SLC22A5: variants seen among roughly 807,000 people sequenced by gnomAD.
SLC22A5 encodes solute carrier family 22 member 5, also known as organic cation/carnitine transporter 2.
SLC22A5 carries 44 observed loss-of-function variants against 56.7 expected under a neutral mutation model. The ratio of observed to expected loss-of-function variants is 0.78; its 90% confidence interval spans 0.61 to 1.00. The LOEUF (loss-of-function observed/expected upper bound fraction) is 1.00. Among genes scored for constraint, SLC22A5 ranks in the 50% least tolerant of loss-of-function variants. SLC22A5 has a pLI of 0.00. For synonymous variants in SLC22A5, 278 were observed against 292.1 expected, an observed-to-expected ratio of 0.95 and a Z score of 0.49; for missense variants, 675 against 723.0, an observed-to-expected ratio of 0.93 and a Z score of 0.76.
intron 1 of SLC22A5, among the ~76,000 whole-genome samples, chr5:132,375,887 T>G (rs1752124942): frequency 6.6e-6 from 1 of 152,222 alleles, no homozygotes; most frequent in Non-Finnish European, 1.5e-5. Flanking sequence ...CATTCCATTT[T>G]AACATTGATA....
chr5:132,388,609 T>C (rs986416130), intron 5 of SLC22A5, among the ~76,000 whole-genome samples: 1 of 152,122 alleles, frequency 6.6e-6, no homozygotes, highest in Non-Finnish European at 1.5e-5. Context: ...CTCCTTGGAA[T>C]GTGGCCACCG....
At chr5:132,376,562 A>G (rs1256968802) in intron 1 of SLC22A5, 2 of 152,216 alleles carry the variant, frequency 1.3e-5, no homozygotes, top group South Asian at 2.1e-4. Context: ...CCTGGGGTCT[A>G]CAACCCCAGA....
chr5:132,371,510 G>A (rs1170595521), intron 1 of SLC22A5, among the ~76,000 whole-genome samples: 1 of 152,146 alleles, frequency 6.6e-6, no homozygotes, highest in South Asian at 2.1e-4. Context: ...GTAGGAACAT[G>A]ATGTTAATGA....
intron 8 of SLC22A5, 62 bp downstream of exon 8, chr5:132,392,677 T>TTC: frequency 6.9e-7 from 1 of 1,442,290 alleles, no homozygotes; most frequent in Non-Finnish European, 9.8e-7. Context: ...CTGGCTTGAA[T>TTC]GTGAGCTGGA....
chr5:132,394,147 A>C lies in SLC22A5; in HGVS notation c.1587-38A>C, dbSNP rs11568523. On this transcript the variant is annotated intron_variant, in intron 9 of 9. Coordinates refer to ENST00000245407, the MANE Select transcript of SLC22A5 (RefSeq NM_003060.4). ...TTTGGAGACTGGGAGGCATCTTTTT[A>C]AAATGTGTTACTGACATATTTTTGC... 0.011 allele frequency: 14,731 copies of C among 1,359,180 alleles called. 290 individuals carry two copies. Among genetic ancestry groups the C allele is most frequent in the African/African-American group, 0.083 (5,817 of 69,880 alleles). The allele number at this position is 1,359,180 out of a possible 1,614,324, so 84.2% of individuals were successfully genotyped here.
Position 132,394,290 on chromosome 5 carries a change from G to T in SLC22A5, c.*18G>T. On this transcript the variant is annotated 3_prime_UTR_variant, in exon 10 of 10. Transcript: ENST00000245407. ...CCTTCTAACATCGCTTCCAGTAAGG[G>T]AGAAACTGAAGAGGAAAGACTGTCT... 1 of 1,557,072 alleles carries T rather than the reference G, an allele frequency of 6.4e-7. No homozygotes were observed.
Position 132,385,402 on chromosome 5 carries a change from T to C in SLC22A5, c.727T>C (p.Tyr243His), listed in dbSNP as rs1314095715. 6.2e-7 allele frequency: 1 copy of C among 1,614,052 alleles called. No homozygotes were observed. Among genetic ancestry groups the C allele is most frequent in the South Asian group, 1.1e-5 (1 of 91,086 alleles). ...LGVCIFYAFG[Y>H]MVLPLFAYFI... ...AGTGTGCATATTTTATGCATTTGGC[T>C]ACATGGTGCTGCCACTGTTTGCTTA... The change falls in exon 4 of 10, where the codon TAC becomes CAC. Residue 243 changes from tyrosine to histidine, a missense_variant. Tyr to His is a moderately conservative substitution (Grantham distance 83). Transcript: ENST00000245407.
chr5:132,371,928 T>G (rs1490565176), intron 1 of SLC22A5, among the ~76,000 whole-genome samples: 1 of 152,122 alleles, frequency 6.6e-6, no homozygotes, highest in East Asian at 1.9e-4. Context: ...CTTCTTGGCG[T>G]CATCACCCTT....
chr5:132,371,307 G>A (rs1751919588), intron 1 of SLC22A5, among the ~76,000 whole-genome samples: 1 of 152,174 alleles, frequency 6.6e-6, no homozygotes, highest in African/African-American at 2.4e-5. Flanking sequence ...GATGGGTTCA[G>A]GGTGACTTGT....
chr5:132,384,477 A>C (rs938538822), intron 3 of SLC22A5, among the ~76,000 whole-genome samples, 176 bp downstream of exon 3: 3 of 152,156 alleles, frequency 2.0e-5, no homozygotes, highest in African/African-American at 7.2e-5. Context: ...CAGACATGAG[A>C]CCAGCCTGGG....
chr5:132,386,508 G>A (rs1372971201), intron 4 of SLC22A5, among the ~76,000 whole-genome samples: 2 of 152,196 alleles, frequency 1.3e-5, no homozygotes, highest in Non-Finnish European at 2.9e-5. Flanking sequence ...TGGGATTATA[G>A]GAGTGAACCA....
At chr5:132,380,625 G>A (rs768882252) in intron 2 of SLC22A5, 1 of 152,164 alleles carries the variant, frequency 6.6e-6, no homozygotes, top group Non-Finnish European at 1.5e-5. Context: ...AAGACTTGCC[G>A]ATGGGCTGGA....
At chr5:132,376,804 GTCA>G (rs1312572159) in intron 1 of SLC22A5, 1 of 152,356 alleles carries the variant, frequency 6.6e-6, no homozygotes, top group Non-Finnish European at 1.5e-5. Flanking sequence ...CCGGCACCCT[GTCA>G]TCAATTCCCT....
intron 8 of SLC22A5, among the ~76,000 whole-genome samples, chr5:132,393,446 C>T (rs1752775079): frequency 6.6e-6 from 1 of 152,208 alleles, no homozygotes; most frequent in South Asian, 2.1e-4. Context: ...CCCCTTTGTA[C>T]TCCTCCCCTG....
intron 3 of SLC22A5, among the ~76,000 whole-genome samples, 162 bp from the exon 4 acceptor site, chr5:132,385,162 ACAGT>A (rs774885277): frequency 1.3e-5 from 2 of 152,122 alleles, no homozygotes; most frequent in African/African-American, 4.8e-5. Context: ...CCCCCAGGAG[ACAGT>A]CAGACAGGAG....
At chr5:132,390,417 C>A in intron 6 of SLC22A5, 1 of 499,456 alleles carries the variant, frequency 2.0e-6, no homozygotes, top group Non-Finnish European at 3.6e-6. Flanking sequence ...TGAAGTAAAT[C>A]TATCTGAATT....
At chr5:132,379,070 G>C (rs1005298871) in intron 2 of SLC22A5, 1 of 161,286 alleles carries the variant, frequency 6.2e-6, no homozygotes, top group Non-Finnish European at 1.4e-5. Context: ...CTTATAAGCA[G>C]GTTATTTGTA....
rs374236073 is a variant in SLC22A5 at position 132,382,369 on chromosome 5, C to T, written c.498-1778C>T. ...GGTCTTCTCAGAGTCTGAAGCATTCCCCACCCACCCCAACCCACCCCCTGT... is the reference window on the plus strand; with the variant it reads ...GGTCTTCTCAGAGTCTGAAGCATTCTCCACCCACCCCAACCCACCCCCTGT... On this transcript the variant is annotated intron_variant, in intron 2 of 9. Transcript: ENST00000245407. 1.8e-4 allele frequency: 27 copies of T among 151,598 alleles called. No homozygotes were observed. In the East Asian group the frequency reaches 3.7e-3, roughly 21 times the overall value. 9.4% of individuals were successfully genotyped at this position (151,598 alleles called of 1,614,324 possible). A position where few individuals can be genotyped will look rare whatever the true frequency, so the allele number is the denominator to read the frequency against.
intron 1 of SLC22A5, 158 bp from the exon 2 acceptor site, chr5:132,378,220 C>T: frequency 6.2e-7 from 1 of 1,613,744 alleles, no homozygotes; most frequent in Non-Finnish European, 8.5e-7. Context: ...AGCCTGCTCT[C>T]TGCCTTCCTG....
Sources: gnomAD v4.1 joint callset for allele counts (sites outside exome capture counted in the v4.1 genomes callset) on GRCh38, gnomAD v4.1.1 for gene constraint, MANE v1.5 for transcripts, NCBI Gene and HGNC (gene_info 2026-07-23, HGNC 2026-07-21) for gene names.